The following DNAH7 variants were observed in gnomAD, a reference collection of about 807,000 sequenced individuals.
DNAH7 encodes dynein axonemal heavy chain 7, also known as axonemal beta dynein heavy chain 7.
In DNAH7, 397 loss-of-function variants were observed where a neutral mutation model predicts 444.6. The observed-to-expected ratio is 0.89, with a 90% CI of 0.82 to 0.97. The LOEUF (loss-of-function observed/expected upper bound fraction) is 0.97. Among genes scored for constraint, DNAH7 ranks in the 50% least tolerant of loss-of-function variants. The pLI, the probability that DNAH7 is intolerant of heterozygous loss-of-function variation, is 0.00. For synonymous variants in DNAH7, 1,636 were observed against 1,624.4 expected (o/e 1.01, Z -0.17); for missense variants, 4,902 against 4,800.8 (o/e 1.02, Z -0.62).
chr2:195,950,875 A>C (rs957770542), intron 19 of DNAH7, among the ~76,000 whole-genome samples: 6 of 149,774 alleles, frequency 4.0e-5, no homozygotes, highest in African/African-American at 7.4e-5. Flanking sequence ...AAAAAAAAAA[A>C]AAAACCCAGC....
chr2:195,993,001 C>A (rs1403227877), intron 12 of DNAH7, among the ~76,000 whole-genome samples: 1 of 152,208 alleles, frequency 6.6e-6, no homozygotes, highest in Admixed American at 6.5e-5. Context: ...GCCACTCACA[C>A]AATGGGAATG....
At chr2:195,963,218 A>G (rs1266062196) in intron 17 of DNAH7, among the ~76,000 whole-genome samples, 1 of 152,220 alleles carries the variant, frequency 6.6e-6, no homozygotes, top group Non-Finnish European at 1.5e-5. Flanking sequence ...GTACTAACTT[A>G]CCTTCCAATC....
At chr2:195,762,900 G>A (rs1022301659) in intron 61 of DNAH7, among the ~76,000 whole-genome samples, 7 of 152,086 alleles carry the variant, frequency 4.6e-5, no homozygotes, top group Admixed American at 6.6e-5. Flanking sequence ...CTTACAGAAC[G>A]TCTCATCCAG....
Position 195,775,882 on chromosome 2 carries a change from T to C in DNAH7, c.11166A>G (p.Glu3722=). 1 of 1,614,128 alleles carries C rather than the reference T, an allele frequency of 6.2e-7. No homozygotes were observed. Among genetic ancestry groups the C allele is most frequent in the Non-Finnish European group, 8.5e-7 (1 of 1,180,006 alleles). Residue 3722 remains glutamate (E), a synonymous_variant, in exon 60 of 65, where the codon GAA becomes GAG. Transcript: ENST00000312428. ...GAATGTTATCAAATAGCAGCTGAGT[T>C]TCTGACTGATCCTTAGTGATATCTG... ...ANADITKDQS[E]TQLLFDNILL...
At chr2:195,891,025 C>G (rs927634923) in intron 31 of DNAH7, among the ~76,000 whole-genome samples, 2 of 152,124 alleles carry the variant, frequency 1.3e-5, no homozygotes, top group Admixed American at 6.5e-5. Flanking sequence ...ATATGGCAAC[C>G]AAGTTAATAT....
intron 12 of DNAH7, among the ~76,000 whole-genome samples, chr2:195,992,305 T>C (rs886837863): frequency 2.0e-5 from 3 of 152,154 alleles, no homozygotes; most frequent in Non-Finnish European, 4.4e-5. Context: ...GTACTAAGTC[T>C]AGTGTGTGTG....
chr2:195,819,766 C>T (rs1446862205), intron 49 of DNAH7, among the ~76,000 whole-genome samples: 1 of 152,122 alleles, frequency 6.6e-6, no homozygotes, highest in Non-Finnish European at 1.5e-5. Context: ...GCGTGATCAG[C>T]AGTTAGTCAA....
At chr2:195,874,290 AT>A (rs1700896033) in intron 38 of DNAH7, among the ~76,000 whole-genome samples, 1 of 152,176 alleles carries the variant, frequency 6.6e-6, no homozygotes, top group African/African-American at 2.4e-5. Context: ...GAGCTTATAC[AT>A]TTCTTTTGGA....
chr2:195,827,992 A>G (rs1255658273), intron 48 of DNAH7, among the ~76,000 whole-genome samples: 1 of 152,210 alleles, frequency 6.6e-6, no homozygotes, highest in African/African-American at 2.4e-5. Flanking sequence ...ACTTGATATA[A>G]CTACCAATCA....
chr2:196,058,471 C>T lies in DNAH7; in HGVS notation c.16-355G>A, dbSNP rs559141005. ...AGGCCTATCCCCATGTGTCTCTCCA[C>T]GTGTTTTTTCCTGATTTGTATCCCT... On this transcript the variant is annotated intron_variant, in intron 1 of 64. Transcript: ENST00000312428. 5.9e-5 allele frequency among the ~76,000 whole-genome samples: 9 copies of T among 152,264 alleles called. No homozygotes were observed. The South Asian group carries it at 1.9e-3, about 32-fold the overall frequency.
rs543673916 is a variant in DNAH7 at position 195,881,941 on chromosome 2, T to C, written c.5815A>G (p.Ile1939Val). The change falls in exon 36 of 65, where the codon ATT becomes GTT. Residue 1939 changes from isoleucine to valine, a missense_variant. Ile to Val is a conservative substitution (Grantham distance 29, BLOSUM62 3). Transcript: ENST00000312428. Reference protein sequence around the residue: ...WIKKLKEAPPIPKDVMFNEII... With the variant: ...WIKKLKEAPPVPKDVMFNEII... Reference sequence around the variant, plus strand: ...TCATTAAACATTACATCTTTAGGAATTGGAGGAGCTTCTTTCAATTTCTTT... The same window carrying C: ...TCATTAAACATTACATCTTTAGGAACTGGAGGAGCTTCTTTCAATTTCTTT... 9 of 1,613,892 alleles carry C rather than the reference T, an allele frequency of 5.6e-6. No individual in the cohort carries two copies. Among genetic ancestry groups the C allele is most frequent in the Middle Eastern group, 1.6e-4 (1 of 6,080 alleles).
At chr2:195,918,903 T>TTA (rs1475840821) in intron 24 of DNAH7, among the ~76,000 whole-genome samples, 2 of 152,162 alleles carry the variant, frequency 1.3e-5, no homozygotes, top group Non-Finnish European at 2.9e-5. Flanking sequence ...GGACTTTAGT[T>TTA]AACAGGCATG....
intron 61 of DNAH7, among the ~76,000 whole-genome samples, chr2:195,758,864 G>A (rs1227208052): frequency 2.6e-5 from 4 of 152,230 alleles, no homozygotes; most frequent in Non-Finnish European, 5.9e-5. Context: ...TACAGGGGAA[G>A]CACACATCCC....
rs1692717011 is a variant in DNAH7 at position 195,737,745 on chromosome 2, TAC to T, written c.*174_*175del. Reference sequence around the variant, plus strand: ...TAGTCTTTATTTCAGAACATTTCCTTACATTTAAGTATGAGTCATATTAAGTT... The same window carrying T: ...TAGTCTTTATTTCAGAACATTTCCTTATTTAAGTATGAGTCATATTAAGTT... On this transcript the variant is annotated 3_prime_UTR_variant, in exon 65 of 65. Transcript: ENST00000312428. 3.5e-6 allele frequency: 2 copies of T among 578,218 alleles called. No homozygotes were observed. Among genetic ancestry groups the T allele is most frequent in the Non-Finnish European group, 6.1e-6 (2 of 330,544 alleles). The allele number at this position is 578,218 out of a possible 1,614,324, so 35.8% of individuals were successfully genotyped here.
At chr2:195,899,668 T>G (rs1686575504) in intron 28 of DNAH7, among the ~76,000 whole-genome samples, 1 of 152,190 alleles carries the variant, frequency 6.6e-6, no homozygotes, top group Admixed American at 6.5e-5. Context: ...AATGTGAAAA[T>G]TTTGCAAGCT....
intron 5 of DNAH7, among the ~76,000 whole-genome samples, chr2:196,045,292 A>G (rs1321477952): frequency 7.4e-6 from 1 of 135,922 alleles, no homozygotes; most frequent in Admixed American, 7.0e-5. Context: ...AGGGAGGAGA[A>G]AGAAAAGAAA....
At chr2:196,024,920 A>G (rs977168579) in intron 7 of DNAH7, among the ~76,000 whole-genome samples, 13 of 152,124 alleles carry the variant, frequency 8.5e-5, no homozygotes, top group Non-Finnish European at 1.5e-4. Context: ...CCATGGATTC[A>G]ACCAACGATG....
At chr2:195,858,165 T>C (rs1350612761) in intron 43 of DNAH7, among the ~76,000 whole-genome samples, 3 of 152,180 alleles carry the variant, frequency 2.0e-5, no homozygotes, top group African/African-American at 7.2e-5. Flanking sequence ...AGAATCAAAA[T>C]ATAATCTCAA....
In DNAH7 at chr2:195,776,000, CAAG is replaced by C. The variant is rs763172160; in HGVS notation, c.11065-20_11065-18del. On this transcript the variant is annotated intron_variant, in intron 59 of 64. Coordinates refer to ENST00000312428, the MANE Select transcript of DNAH7 (RefSeq NM_018897.3). ...GCTTTTGTGCTGCAGAGATGAATAACAAGAAGTCAGGAGGTTAGAAATCAATTA... is the reference window on the plus strand; with the variant it reads ...GCTTTTGTGCTGCAGAGATGAATAACAAGTCAGGAGGTTAGAAATCAATTA... The C allele has an allele frequency of 1.5e-5, 24 of 1,611,364 alleles. No individual in the cohort carries two copies. Among genetic ancestry groups the C allele is most frequent in the Non-Finnish European group, 2.0e-5 (23 of 1,179,262 alleles).
Sources: allele counts gnomAD v4.1 joint callset (sites outside exome capture counted in the v4.1 genomes callset), GRCh38; gene constraint gnomAD v4.1.1; transcripts MANE v1.5; gene names NCBI Gene and HGNC (gene_info 2026-07-23, HGNC 2026-07-21).